Variants in PTPRD observed in about 807,000 individuals in gnomAD.
PTPRD encodes the protein receptor-type tyrosine-protein phosphatase delta.
PTPRD carries 34 observed loss-of-function variants against 214.5 expected under a neutral mutation model. The ratio of observed to expected loss-of-function variants is 0.16; its 90% CI spans 0.12 to 0.21. PTPRD has a LOEUF of 0.21. Among genes scored for constraint, PTPRD ranks in the 10% least tolerant of loss-of-function variants. PTPRD has a pLI of 1.00. For missense variants in PTPRD, 2,545 were observed against 2,398.7 expected (o/e 1.06, Z -1.27); for synonymous variants, 1,128 against 845.7 (o/e 1.33, Z -5.79).
intron 10 of PTPRD, among the ~76,000 whole-genome samples, chr9:9,172,910 T>C (rs1281753711): frequency 6.6e-6 from 1 of 152,156 alleles, no homozygotes; most frequent in Non-Finnish European, 1.5e-5. Context: ...AAAATACAGA[T>C]TCGATCGTGT....
intron 9 of PTPRD, among the ~76,000 whole-genome samples, chr9:9,227,512 C>T (rs552374568): frequency 3.3e-5 from 5 of 152,216 alleles, no homozygotes; most frequent in Non-Finnish European, 5.9e-5. Context: ...CTTTGACACT[C>T]TCTGACACTC....
intron 3 of PTPRD, among the ~76,000 whole-genome samples, chr9:10,075,102 A>T (rs1002229772): frequency 6.6e-6 from 1 of 152,138 alleles, no homozygotes; most frequent in Non-Finnish European, 1.5e-5. Flanking sequence ...TGGGCATCAC[A>T]TGAAGATTTT....
chr9:8,422,389 G>A (rs1277610694), intron 35 of PTPRD, among the ~76,000 whole-genome samples: 1 of 151,964 alleles, frequency 6.6e-6, no homozygotes, highest in Non-Finnish European at 1.5e-5. Context: ...GACTTTAGGA[G>A]GTAATATGAT....
At chr9:9,577,311 C>T (rs1369631372) in intron 7 of PTPRD, among the ~76,000 whole-genome samples, 1 of 152,134 alleles carries the variant, frequency 6.6e-6, no homozygotes, top group Non-Finnish European at 1.5e-5. Flanking sequence ...TGTCTGTAAC[C>T]TCAGCACTTT....
At chr9:8,340,217 G>T in intron 42 of PTPRD, 126 bp downstream of exon 42, 1 of 1,101,200 alleles carries the variant, frequency 9.1e-7, no homozygotes, top group Non-Finnish European at 1.2e-6. Context: ...ATGATGGTCC[G>T]GATTATGTCC....
intron 11 of PTPRD, among the ~76,000 whole-genome samples, chr9:8,778,983 A>G (rs2095591810): frequency 6.6e-6 from 1 of 152,174 alleles, no homozygotes; most frequent in South Asian, 2.1e-4. Flanking sequence ...TCTTTATGAT[A>G]TCTTCACTCT....
intron 2 of PTPRD, among the ~76,000 whole-genome samples, chr9:10,429,594 C>T (rs1259014454): frequency 6.6e-6 from 1 of 151,732 alleles, no homozygotes; most frequent in Non-Finnish European, 1.5e-5. Flanking sequence ...AAAAATATCG[C>T]ATGTTCTCAC....
At chr9:8,330,313 A>ATCTT (rs1369415582) in intron 44 of PTPRD, among the ~76,000 whole-genome samples, 3 of 152,128 alleles carry the variant, frequency 2.0e-5, no homozygotes, top group Non-Finnish European at 2.9e-5. Flanking sequence ...CTATTCAGCC[A>ATCTT]TCTTTCCAGC....
At chr9:9,321,945 A>T (rs1966790713) in intron 9 of PTPRD, among the ~76,000 whole-genome samples, 1 of 152,190 alleles carries the variant, frequency 6.6e-6, no homozygotes, top group South Asian at 2.1e-4. Context: ...ATTAAAATAT[A>T]CATTAATCTG....
At chr9:9,565,473 T>C (rs115403406) in intron 8 of PTPRD, among the ~76,000 whole-genome samples, 1 of 152,056 alleles carries the variant, frequency 6.6e-6, no homozygotes, top group Non-Finnish European at 1.5e-5. Flanking sequence ...TTTATTTTGA[T>C]ACCTCACAAT....
intron 8 of PTPRD, among the ~76,000 whole-genome samples, chr9:9,454,838 C>CAT (rs888193149): frequency 1.3e-4 from 20 of 150,488 alleles, no homozygotes; most frequent in South Asian, 4.2e-4. Flanking sequence ...CTCATATATA[C>CAT]ATATATATAT....
At chr9:9,425,582 G>C (rs2080541942) in intron 8 of PTPRD, among the ~76,000 whole-genome samples, 2 of 35,814 alleles carry the variant, frequency 5.6e-5, no homozygotes, top group African/African-American at 2.3e-4. Context: ...ACAGTTCACA[G>C]GCTGACACAA....
chr9:9,609,319 T>C (rs903404846), intron 7 of PTPRD, among the ~76,000 whole-genome samples: 2 of 152,096 alleles, frequency 1.3e-5, no homozygotes, highest in African/African-American at 4.8e-5. Context: ...TCTATATACA[T>C]ACCTAGAAAT....
At chr9:10,518,657 C>T (rs2050965635) in intron 2 of PTPRD, among the ~76,000 whole-genome samples, 1 of 151,896 alleles carries the variant, frequency 6.6e-6, no homozygotes, top group South Asian at 2.1e-4. Flanking sequence ...CTCAGCCTCC[C>T]AAGTAGCTGG....
At chr9:9,145,974 G>A (rs1023081445) in intron 10 of PTPRD, among the ~76,000 whole-genome samples, 1 of 152,194 alleles carries the variant, frequency 6.6e-6, no homozygotes, top group Admixed American at 6.5e-5. Context: ...TGAAGAACGG[G>A]AAACAAGTGC....
At position 9,832,469 on chromosome 9, in the gene PTPRD, G is replaced by C. The variant is rs141184643; in HGVS notation, c.-367-65618C>G. 7.5e-4 allele frequency among the ~76,000 whole-genome samples: 114 copies of C among 152,044 alleles called. 1 individual carries two copies. The highest frequency in any genetic ancestry group is 2.6e-3 in the African/African-American group (108 of 41,504). On this transcript the variant is annotated intron_variant, in intron 5 of 45. Transcript: ENST00000381196. Reference sequence around the variant, plus strand: ...AGTCATTTACTGTTCCATGTTAACAGAACTCTAATTATTTTCAGGTACATA... The same window carrying C: ...AGTCATTTACTGTTCCATGTTAACACAACTCTAATTATTTTCAGGTACATA...
intron 8 of PTPRD, among the ~76,000 whole-genome samples, chr9:9,502,089 G>C (rs1293216146): frequency 6.6e-6 from 1 of 151,804 alleles, no homozygotes; most frequent in Admixed American, 6.6e-5. Context: ...ACCTCCTAAA[G>C]GTTCCGCTTG....
chr9:9,311,629 C>A (rs1221838039), intron 9 of PTPRD, among the ~76,000 whole-genome samples: 4 of 152,092 alleles, frequency 2.6e-5, no homozygotes, highest in Admixed American at 2.6e-4. Flanking sequence ...TTTTCTAAAC[C>A]TACCCCATAA....
rs185838354 is a variant in PTPRD, at chr9:9,847,043, T to C, written c.-367-80192A>G. 5.1e-3 allele frequency among the ~76,000 whole-genome samples: 772 copies of C among 152,284 alleles called. 6 individuals are homozygous for C. The highest frequency in any genetic ancestry group is 0.018 in the African/African-American group (732 of 41,574). ...CCAGACATTCAAGTAATTAGGTTTT[T>C]CTTCTGAATAGTTTTAGTTTTAAAA... On this transcript the variant is annotated intron_variant, in intron 5 of 45. Transcript: ENST00000381196.
Sources: gnomAD v4.1 joint callset for allele counts (sites outside exome capture counted in the v4.1 genomes callset) on GRCh38, gnomAD v4.1.1 for gene constraint, MANE v1.5 for transcripts, NCBI Gene and HGNC (gene_info 2026-07-23, HGNC 2026-07-21) for gene names.